Variants in KDM3B observed in about 807,000 individuals in gnomAD.
KDM3B encodes lysine demethylase 3B, also known as lysine-specific demethylase 3B.
KDM3B carries 10 observed loss-of-function variants against 170.0 expected under a neutral mutation model. The ratio of observed to expected loss-of-function variants is 0.06; its 90% CI spans 0.04 to 0.10. KDM3B has a LOEUF of 0.10. Among genes scored for constraint, KDM3B ranks in the 10% least tolerant of loss-of-function variants. The pLI is 1.00. For missense variants in KDM3B, 1,394 were observed against 2,195.2 expected (o/e 0.64, Z 7.29); for synonymous variants, 831 against 834.8 (o/e 1.00, Z 0.08).
intron 22 of KDM3B, among the ~76,000 whole-genome samples, chr5:138,430,848 C>T (rs1763514202): frequency 6.6e-6 from 1 of 152,040 alleles, no homozygotes; most frequent in East Asian, 1.9e-4. Context: ...CAAGATCGCA[C>T]CATTGCACTC....
At chr5:138,416,347 T>C (rs1763102936) in intron 12 of KDM3B, among the ~76,000 whole-genome samples, 1 of 151,924 alleles carries the variant, frequency 6.6e-6, no homozygotes, top group Non-Finnish European at 1.5e-5. Flanking sequence ...CCCAGCACTT[T>C]GGGAGGTTGA....
intron 1 of KDM3B, among the ~76,000 whole-genome samples, chr5:138,366,806 A>C (rs1761756784): frequency 6.6e-6 from 1 of 152,210 alleles, no homozygotes; most frequent in Admixed American, 6.5e-5. Flanking sequence ...GCTGCTGGAG[A>C]GTGCACACGC....
intron 17 of KDM3B, chr5:138,425,793 G>T: frequency 2.3e-6 from 1 of 428,910 alleles, no homozygotes; most frequent in South Asian, 3.6e-5. Context: ...ATCACTTGGG[G>T]TCAGGAGTTC....
chr5:138,354,497 AT>A (rs760516708), intron 1 of KDM3B, among the ~76,000 whole-genome samples: 3 of 152,258 alleles, frequency 2.0e-5, no homozygotes. Flanking sequence ...TGCCCTAGCT[AT>A]TCATTGGGAT....
At chr5:138,420,603 G>A in intron 14 of KDM3B, 103 bp from the exon 15 acceptor site, 1 of 1,290,998 alleles carries the variant, frequency 7.7e-7, no homozygotes, top group Non-Finnish European at 1.1e-6. Flanking sequence ...CAAGGGAAAG[G>A]AGAGAATCTT....
chr5:138,396,197 G>A (rs1762542068), intron 9 of KDM3B, among the ~76,000 whole-genome samples: 1 of 151,936 alleles, frequency 6.6e-6, no homozygotes, highest in African/African-American at 2.4e-5. Flanking sequence ...CCGGGTTCAC[G>A]CCATTCTCCT....
chr5:138,368,674 A>T (rs904126368), intron 1 of KDM3B, among the ~76,000 whole-genome samples: 3 of 152,168 alleles, frequency 2.0e-5, no homozygotes, highest in Non-Finnish European at 4.4e-5. Flanking sequence ...GTCCATATTT[A>T]CATATATCTA....
At chr5:138,363,026 C>G (rs547061949) in intron 1 of KDM3B, among the ~76,000 whole-genome samples, 7 of 151,528 alleles carry the variant, frequency 4.6e-5, no homozygotes, top group Non-Finnish European at 7.4e-5. Flanking sequence ...GTTGTGATGC[C>G]CCTTACATGT....
At chr5:138,359,158 G>A (rs1376392164) in intron 1 of KDM3B, among the ~76,000 whole-genome samples, 2 of 151,684 alleles carry the variant, frequency 1.3e-5, no homozygotes, top group Non-Finnish European at 2.9e-5. Flanking sequence ...ATTCCATGGT[G>A]TATTTATTTA....
chr5:138,369,955 T>A (rs1384319930), intron 1 of KDM3B, among the ~76,000 whole-genome samples: 1 of 152,210 alleles, frequency 6.6e-6, no homozygotes, highest in Non-Finnish European at 1.5e-5. Flanking sequence ...AGAGTGGAAC[T>A]GAGACACTAA....
intron 11 of KDM3B, among the ~76,000 whole-genome samples, chr5:138,410,405 C>T (rs77588725): frequency 0.066 from 9,973 of 151,998 alleles, 356 homozygotes; most frequent in African/African-American, 0.1. Context: ...TAATCAATTA[C>T]GACAAAGGTG....
chr5:138,352,851 A>G lies in KDM3B; in HGVS notation c.56A>G (p.Asp19Gly). Residue 19 changes from aspartate to glycine, a missense_variant, in exon 1 of 24, where the codon GAC becomes GGC. Asp to Gly is a moderately conservative substitution (Grantham distance 94). Around this residue, in one of 19 missense-constraint regions of KDM3B, gnomAD observed 99 missense variants for 97.5 expected, o/e 1.02. Transcript: ENST00000314358. ...VGKRLLLLFA[D>G]TAASASASAP... ...AAGCGGCTGCTGCTGCTGTTCGCGG[A>G]CACTGCGGCCTCAGCCTCGGCCTCG... is the stretch of plus-strand genomic sequence containing the variant. 1.5e-6 allele frequency: 2 copies of G among 1,372,592 alleles called. No individual in the cohort carries two copies. Among genetic ancestry groups the G allele is most frequent in the South Asian group, 1.6e-5 (1 of 64,394 alleles). The allele number at this position is 1,372,592 out of a possible 1,614,324, so 85.0% of individuals were successfully genotyped here. A position where few individuals can be genotyped will look rare whatever the true frequency, so the allele number is the denominator to read the frequency against.
chr5:138,408,400 A>G (rs1008348591), intron 11 of KDM3B, among the ~76,000 whole-genome samples: 3 of 147,140 alleles, frequency 2.0e-5, no homozygotes, highest in South Asian at 2.1e-4. Flanking sequence ...AAAAAAAAAA[A>G]AAAGAAAGAA....
chr5:138,427,388 C>T, intron 19 of KDM3B, 69 bp downstream of exon 19: 4 of 1,536,624 alleles, frequency 2.6e-6, no homozygotes, highest in Non-Finnish European at 3.6e-6. Context: ...AGAAGGATAT[C>T]TGTGGTCAAT....
chr5:138,402,227 T>C (rs1026665995), intron 11 of KDM3B, among the ~76,000 whole-genome samples: 2 of 152,218 alleles, frequency 1.3e-5, no homozygotes, highest in Admixed American at 6.5e-5. Flanking sequence ...CCCAGCCATT[T>C]GTTTATTTTC....
chr5:138,388,446 C>T (rs1221220373), intron 7 of KDM3B, among the ~76,000 whole-genome samples: 4 of 151,950 alleles, frequency 2.6e-5, no homozygotes, highest in Admixed American at 2.0e-4. Flanking sequence ...TCCTGGCTAA[C>T]ACGGTGAAAC....
intron 1 of KDM3B, among the ~76,000 whole-genome samples, chr5:138,360,944 A>G (rs530454669): frequency 6.6e-6 from 1 of 152,224 alleles, no homozygotes; most frequent in East Asian, 1.9e-4. Context: ...CCCACCTGCC[A>G]AGGGTTCATT....
At chr5:138,415,055 G>T (rs1763067838) in intron 11 of KDM3B, 77 bp from the exon 12 acceptor site, 1 of 949,052 alleles carries the variant, frequency 1.1e-6, no homozygotes, top group Non-Finnish European at 1.6e-6. Flanking sequence ...TGGCCTTTGG[G>T]GTTCTGAAAC....
chr5:138,388,119 G>A (rs1233181752), intron 7 of KDM3B, among the ~76,000 whole-genome samples: 2 of 152,040 alleles, frequency 1.3e-5, no homozygotes, highest in Non-Finnish European at 2.9e-5. Context: ...CCATGTCAAA[G>A]GCAGTGTGAA....
Sources: allele counts gnomAD v4.1 joint callset (sites outside exome capture counted in the v4.1 genomes callset), GRCh38; gene constraint gnomAD v4.1.1; regional missense constraint gnomAD v4.1.1; transcripts MANE v1.5; gene names NCBI Gene and HGNC (gene_info 2026-07-23, HGNC 2026-07-21).